Variants in IPO11 observed in about 807,000 individuals in gnomAD.
The protein encoded by IPO11 is importin 11.
In IPO11, 66 loss-of-function variants were observed where a neutral mutation model predicts 143.2. That is an observed-to-expected ratio of 0.46 (90% CI 0.38 to 0.57). The LOEUF (loss-of-function observed/expected upper bound fraction) is 0.57, where lower values mean the gene tolerates loss of function less well. Ranked by LOEUF, IPO11 falls within the 20% of genes least tolerant of loss-of-function variation. The probability of loss-of-function intolerance (pLI) is 0.00; values close to 1 mark genes in which losing one functional copy is unlikely to be tolerated. For synonymous variants in IPO11, 385 were observed against 377.8 expected (o/e 1.02, Z -0.22); for missense variants, 1,026 against 1,141.0 (o/e 0.90, Z 1.45).
At position 62,474,397 on chromosome 5, in the gene IPO11, A is replaced by G; in HGVS notation, c.709-19A>G. The stretch of plus-strand genomic sequence containing the variant: ...TTATAACAATAAATTGAGATATTTA[A>G]AATAATATTCTTTTCTAGGGTTTTT... On this transcript the variant is annotated intron_variant, in intron 7 of 29. Coordinates refer to ENST00000325324, the MANE Select transcript of IPO11 (RefSeq NM_016338.5). 2.8e-6 allele frequency: 4 copies of G among 1,418,038 alleles called. No homozygotes were observed. The highest frequency in any genetic ancestry group is 2.4e-5 in the East Asian group (1 of 42,190). 87.8% of individuals were successfully genotyped at this position (1,418,038 alleles called of 1,614,324 possible). A position where few individuals can be genotyped will look rare whatever the true frequency, so the allele number is the denominator to read the frequency against.
At chr5:62,474,280 A>T in intron 7 of IPO11, 136 bp from the exon 8 acceptor site, 2 of 547,896 alleles carry the variant, frequency 3.7e-6, no homozygotes, top group Middle Eastern at 5.0e-4. Flanking sequence ...TTTTTTGCTT[A>T]ACTAATTTTA....
At chr5:62,592,391 G>A in intron 28 of IPO11, among the ~76,000 whole-genome samples, 1 of 151,882 alleles carries the variant, frequency 6.6e-6, no homozygotes, top group Non-Finnish European at 1.5e-5. Flanking sequence ...GATATATGTT[G>A]TTGAATCTTA....
At chr5:62,615,178 C>A (rs993705732) in intron 29 of IPO11, among the ~76,000 whole-genome samples, 2 of 152,148 alleles carry the variant, frequency 1.3e-5, no homozygotes, top group African/African-American at 4.8e-5. Context: ...CCATTTAGGG[C>A]CTCGAGTTTC....
At chr5:62,493,476 A>G (rs867256326) in intron 15 of IPO11, among the ~76,000 whole-genome samples, 2 of 152,192 alleles carry the variant, frequency 1.3e-5, no homozygotes, top group Non-Finnish European at 2.9e-5. Flanking sequence ...TATGCCTAGG[A>G]ATTTTTAAGT....
At chr5:62,530,552 G>A (rs1293874835) in intron 21 of IPO11, among the ~76,000 whole-genome samples, 157 bp from the exon 22 acceptor site, 1 of 152,106 alleles carries the variant, frequency 6.6e-6, no homozygotes, top group East Asian at 1.9e-4. Context: ...TTATTTTGAG[G>A]CATTTGGTTA....
chr5:62,560,006 T>C (rs1490202350), intron 26 of IPO11, among the ~76,000 whole-genome samples: 1 of 150,706 alleles, frequency 6.6e-6, no homozygotes, highest in South Asian at 2.1e-4. Flanking sequence ...TTCACACTGC[T>C]ACTTTTCCCA....
chr5:62,612,235 T>TA (rs1486266267), intron 29 of IPO11, among the ~76,000 whole-genome samples: 7 of 152,252 alleles, frequency 4.6e-5, no homozygotes, highest in South Asian at 4.1e-4. Flanking sequence ...GAGTACATGT[T>TA]AAAAAAATCA....
At chr5:62,568,176 G>A (rs1744020235) in intron 27 of IPO11, among the ~76,000 whole-genome samples, 1 of 149,672 alleles carries the variant, frequency 6.7e-6, no homozygotes, top group African/African-American at 2.5e-5. Flanking sequence ...ATGTTGCCCA[G>A]TCTGGTCAGA....
At chr5:62,465,931 T>A (rs1051597539) in intron 5 of IPO11, among the ~76,000 whole-genome samples, 12 of 152,374 alleles carry the variant, frequency 7.9e-5, no homozygotes, top group Non-Finnish European at 1.6e-4. Context: ...GTGGGATGCC[T>A]AATTGCTGAG....
intron 22 of IPO11, among the ~76,000 whole-genome samples, chr5:62,533,427 G>A (rs1299453123): frequency 1.3e-5 from 2 of 151,900 alleles, no homozygotes; most frequent in Non-Finnish European, 2.9e-5. Flanking sequence ...GGTCAGGCTG[G>A]TCTTGAACTC....
intron 5 of IPO11, among the ~76,000 whole-genome samples, chr5:62,458,088 A>G (rs1484971011): frequency 6.8e-6 from 1 of 147,364 alleles, no homozygotes; most frequent in Non-Finnish European, 1.5e-5. Flanking sequence ...CGGAGCTTGC[A>G]GTGAGCTGAG....
At chr5:62,623,277 A>G (rs894668568) in intron 29 of IPO11, among the ~76,000 whole-genome samples, 2 of 152,322 alleles carry the variant, frequency 1.3e-5, no homozygotes, top group East Asian at 1.9e-4. Context: ...GTGTATTTAT[A>G]TGTCTCCTAC....
chr5:62,580,300 T>G (rs1007159621), intron 27 of IPO11: 1 of 1,538,476 alleles, frequency 6.5e-7, no homozygotes, highest in Non-Finnish European at 8.8e-7. Context: ...TCATAATGAT[T>G]TAGAGAATTT....
In IPO11 at chr5:62,597,830, A is replaced by G. The variant is rs1361558309; in HGVS notation, c.2679-3934A>G. On this transcript the variant is annotated intron_variant, in intron 28 of 29. Coordinates refer to ENST00000325324, the MANE Select transcript of IPO11 (RefSeq NM_016338.5). ...TATACAAGGACTGTCCGTTTTAACA[A>G]TAAAGAATTAGTTGTTTCTGATACA... 2.6e-5 allele frequency among the ~76,000 whole-genome samples: 4 copies of G among 152,190 alleles called. No individual in the cohort carries two copies. In the South Asian group the frequency reaches 8.3e-4, roughly 32 times the overall value.
chr5:62,449,035 T>C (rs952242792), intron 3 of IPO11, among the ~76,000 whole-genome samples: 13 of 152,144 alleles, frequency 8.5e-5, no homozygotes, highest in African/African-American at 2.9e-4. Flanking sequence ...ACGTTTACTA[T>C]TTAAAAAAAT....
In IPO11 at chr5:62,455,878, C is replaced by T. The variant is rs575335367; in HGVS notation, c.516+3945C>T. Among the ~76,000 whole-genome samples, 25 of 152,120 alleles carry T rather than the reference C, an allele frequency of 1.6e-4. No homozygotes were observed. In the South Asian group the frequency reaches 4.1e-3, roughly 25 times the overall value. ...TAGCTAGGATTACAGACATGCGCCA[C>T]CATGCCCAGCTAATTTTTGTATTTT... On this transcript the variant is annotated intron_variant, in intron 5 of 29. Transcript: ENST00000325324.
intron 14 of IPO11, among the ~76,000 whole-genome samples, chr5:62,489,840 A>C (rs976319519): frequency 6.6e-6 from 1 of 152,244 alleles, no homozygotes; most frequent in African/African-American, 2.4e-5. Flanking sequence ...TCCATTTTAG[A>C]AGCAGGCATT....
chr5:62,502,867 C>T (rs1489979835), intron 16 of IPO11, among the ~76,000 whole-genome samples: 4 of 151,840 alleles, frequency 2.6e-5, no homozygotes, highest in African/African-American at 7.3e-5. Context: ...CTCTGTTGCC[C>T]AGGCTGGAGT....
At chr5:62,543,809 T>C (rs1743047309) in intron 24 of IPO11, among the ~76,000 whole-genome samples, 1 of 152,196 alleles carries the variant, frequency 6.6e-6, no homozygotes, top group Non-Finnish European at 1.5e-5. Flanking sequence ...TCCTGCTTTC[T>C]CCTGTGGGCA....
Sources: gnomAD v4.1 joint callset for allele counts (sites outside exome capture counted in the v4.1 genomes callset) on GRCh38, gnomAD v4.1.1 for gene constraint, MANE v1.5 for transcripts, NCBI Gene and HGNC (gene_info 2026-07-23, HGNC 2026-07-21) for gene names.